Variants in WDR72 observed in about 807,000 individuals in gnomAD.
WDR72 encodes WD repeat domain 72.
In WDR72, 120 loss-of-function variants were observed where a neutral mutation model predicts 124.2. The ratio of observed to expected loss-of-function variants is 0.97; its 90% confidence interval spans 0.83 to 1.12. The LOEUF is 1.12. Among genes scored for constraint, WDR72 ranks in the 50% most tolerant of loss-of-function variants. The probability of loss-of-function intolerance (pLI) is 0.00; values close to 1 mark genes in which losing one functional copy is unlikely to be tolerated. For missense variants in WDR72, 1,387 were observed against 1,278.8 expected, an observed-to-expected ratio of 1.08 and a Z score of -1.29; for synonymous variants, 452 against 441.7, an observed-to-expected ratio of 1.02 and a Z score of -0.29.
chr15:53,717,395 T>C (rs914932368), intron 3 of WDR72, among the ~76,000 whole-genome samples: 8 of 152,250 alleles, frequency 5.3e-5, no homozygotes, highest in South Asian at 2.1e-4. Context: ...AAATTTTCCA[T>C]GCAAGAAAAA....
chr15:53,643,107 G>T (rs1261536321), intron 14 of WDR72, among the ~76,000 whole-genome samples: 2 of 151,914 alleles, frequency 1.3e-5, no homozygotes, highest in Non-Finnish European at 2.9e-5. Context: ...AAAAGCGAAA[G>T]AATTCTTCAT....
chr15:53,521,436 T>C (rs936900247), intron 19 of WDR72, among the ~76,000 whole-genome samples: 12 of 152,240 alleles, frequency 7.9e-5, no homozygotes, highest in African/African-American at 2.9e-4. Flanking sequence ...TAAGGCAAGA[T>C]GTCTTAAAAT....
intron 14 of WDR72, chr15:53,652,258 G>C (rs2140429300): frequency 6.6e-6 from 1 of 152,210 alleles, no homozygotes; most frequent in African/African-American, 2.4e-5. Context: ...CAGAGAAAAG[G>C]AAGAAGAACA....
intron 13 of WDR72, among the ~76,000 whole-genome samples, chr15:53,667,056 A>C (rs2140453619): frequency 6.6e-6 from 1 of 152,310 alleles, no homozygotes; most frequent in South Asian, 2.1e-4. Flanking sequence ...TTTTCCACCA[A>C]GATTGATCTA....
intron 17 of WDR72, among the ~76,000 whole-genome samples, chr15:53,603,398 T>C (rs1416920290): frequency 6.6e-6 from 1 of 152,122 alleles, no homozygotes; most frequent in Non-Finnish European, 1.5e-5. Context: ...AGGCAAAAGC[T>C]AGAACCATTC....
At chr15:53,532,413 T>C (rs547193700) in intron 18 of WDR72, among the ~76,000 whole-genome samples, 22 of 152,252 alleles carry the variant, frequency 1.4e-4, no homozygotes, top group Admixed American at 7.2e-4. Context: ...AGTGGATGAA[T>C]AGATAAAGAA....
chr15:53,515,070 CATATATATGTATGTAT>C lies in WDR72; in HGVS notation c.*2613_*2628del, dbSNP rs1566934990. 9.3e-5 allele frequency: 7 copies of C among 75,372 alleles called. No homozygotes were observed. The highest frequency in any genetic ancestry group is 1.5e-4 in the Non-Finnish European group (5 of 32,798). The allele number at this position is 75,372 out of a possible 1,614,324, so 4.7% of individuals were successfully genotyped here. A position where few individuals can be genotyped will look rare whatever the true frequency, so the allele number is the denominator to read the frequency against. On this transcript the variant is annotated 3_prime_UTR_variant, in exon 20 of 20. Coordinates refer to ENST00000360509, the MANE Select transcript of WDR72 (RefSeq NM_182758.4). ...ATATATGTGTGTATATATATACACA[CATATATATGTATGTAT>C]ACACACACACACACACACACAAATA...
intron 1 of WDR72, among the ~76,000 whole-genome samples, chr15:53,747,680 T>A (rs936971316): frequency 1.3e-5 from 2 of 152,174 alleles, no homozygotes; most frequent in African/African-American, 4.8e-5. Context: ...GAGTATTGCC[T>A]TCAAACTTCA....
intron 18 of WDR72, among the ~76,000 whole-genome samples, chr15:53,556,481 C>T (rs2140287305): frequency 6.6e-6 from 1 of 152,180 alleles, no homozygotes; most frequent in Middle Eastern, 3.4e-3. Flanking sequence ...AGCAGTGTTC[C>T]TGTACATGGA....
At chr15:53,706,645 T>C (rs2017388431) in intron 9 of WDR72, among the ~76,000 whole-genome samples, 1 of 151,660 alleles carries the variant, frequency 6.6e-6, no homozygotes, top group Non-Finnish European at 1.5e-5. Flanking sequence ...ACAGTTCCTT[T>C]ATAGTTCTAA....
chr15:53,542,641 C>G (rs1371257031), intron 18 of WDR72, among the ~76,000 whole-genome samples: 2 of 20,258 alleles, frequency 9.9e-5, no homozygotes. Flanking sequence ...TCACACATAA[C>G]AATATTAACT....
At chr15:53,678,847 T>C (rs1483247736) in intron 13 of WDR72, among the ~76,000 whole-genome samples, 2 of 152,206 alleles carry the variant, frequency 1.3e-5, no homozygotes, top group Admixed American at 6.5e-5. Flanking sequence ...GAATAGATAT[T>C]TGTATACCCA....
chr15:53,591,319 A>G (rs1014093427), intron 18 of WDR72, among the ~76,000 whole-genome samples: 2 of 152,068 alleles, frequency 1.3e-5, no homozygotes, highest in East Asian at 3.9e-4. Flanking sequence ...GAGTCAGTGC[A>G]TAGAAGCAGA....
chr15:53,613,631 A>C (rs1319888377), intron 16 of WDR72, 35 bp downstream of exon 16: 24 of 1,466,188 alleles, frequency 1.6e-5, no homozygotes, highest in Non-Finnish European at 2.2e-5. Flanking sequence ...CAGAAAAAAA[A>C]AATCAGATCA....
chr15:53,636,313 G>C (rs1038575230), intron 14 of WDR72, among the ~76,000 whole-genome samples: 1 of 152,072 alleles, frequency 6.6e-6, no homozygotes, highest in Non-Finnish European at 1.5e-5. Flanking sequence ...ATCCTAACCT[G>C]ATCTGCTATG....
At chr15:53,644,588 C>G (rs74015846) in intron 14 of WDR72, among the ~76,000 whole-genome samples, 2,019 of 151,638 alleles carry the variant, frequency 0.013, 49 homozygotes, top group African/African-American at 0.047. Context: ...TATGAAAAAT[C>G]TGGAAACCAT....
intron 18 of WDR72, among the ~76,000 whole-genome samples, chr15:53,537,083 T>C (rs1324938032): frequency 6.6e-6 from 1 of 152,178 alleles, no homozygotes; most frequent in Non-Finnish European, 1.5e-5. Context: ...TCACATTAAA[T>C]CTAATAGATT....
chr15:53,523,330 A>AAGAGAGAGAGAGAGAG lies in WDR72; in HGVS notation c.3149-24_3149-9dup. Reference sequence around the variant, plus strand: ...TGACCGGGCTGACTGGAGCTATTAAAAGAGAGAGAGAGAGAGAGAGAGACA... The same window carrying AAGAGAGAGAGAGAGAG: ...TGACCGGGCTGACTGGAGCTATTAAAAGAGAGAGAGAGAGAGAGAGAGAGAGAGAGAGAGAGAGACA... On this transcript the variant is annotated splice_polypyrimidine_tract_variant and intron_variant, in intron 18 of 19. Transcript: ENST00000360509. 2 of 1,574,980 alleles carry AAGAGAGAGAGAGAGAG rather than the reference A, an allele frequency of 1.3e-6. No homozygotes were observed. The highest frequency in any genetic ancestry group is 2.3e-5 in the East Asian group (1 of 43,786).
intron 1 of WDR72, among the ~76,000 whole-genome samples, chr15:53,744,685 C>G (rs1025941758): frequency 6.6e-6 from 1 of 152,184 alleles, no homozygotes; most frequent in East Asian, 1.9e-4. Flanking sequence ...TAGTCCCTGG[C>G]ACACTGCCTA....
Sources: gnomAD v4.1 joint callset for allele counts (sites outside exome capture counted in the v4.1 genomes callset) on GRCh38, gnomAD v4.1.1 for gene constraint, MANE v1.5 for transcripts, NCBI Gene and HGNC (gene_info 2026-07-23, HGNC 2026-07-21) for gene names.